SLC12A2: variants seen among roughly 807,000 people sequenced by gnomAD.
The protein encoded by SLC12A2 is Na-K-2Cl cotransporter 1.
In SLC12A2, 67 loss-of-function variants were observed where a neutral mutation model predicts 136.3. The ratio of observed to expected loss-of-function variants is 0.49; its 90% CI spans 0.40 to 0.60. The LOEUF (loss-of-function observed/expected upper bound fraction) is 0.60, where lower values mean the gene tolerates loss of function less well. Among genes scored for constraint, SLC12A2 ranks in the 20% least tolerant of loss-of-function variants. SLC12A2 has a pLI of 0.00. For synonymous variants in SLC12A2, 619 were observed against 562.9 expected (o/e 1.10, Z -1.41); for missense variants, 1,322 against 1,534.7 (o/e 0.86, Z 2.32).
At chr5:128,138,549 G>A (rs1415540563) in intron 7 of SLC12A2, 48 bp from the exon 8 acceptor site, 4 of 1,552,326 alleles carry the variant, frequency 2.6e-6, no homozygotes, top group Non-Finnish European at 3.5e-6. Flanking sequence ...AGTTATTATA[G>A]TCTAATTTGC....
intron 1 of SLC12A2, among the ~76,000 whole-genome samples, chr5:128,107,809 T>G (rs754146365): frequency 4.6e-5 from 7 of 152,134 alleles, no homozygotes; most frequent in Non-Finnish European, 8.8e-5. Context: ...GTGTCCCCAG[T>G]AATGGGATTG....
At chr5:128,138,058 C>A (rs1191271646) in intron 7 of SLC12A2, among the ~76,000 whole-genome samples, 1 of 151,924 alleles carries the variant, frequency 6.6e-6, no homozygotes, top group African/African-American at 2.4e-5. Context: ...TCACCCCAGC[C>A]TCCCAAGTAG....
At chr5:128,130,552 C>T (rs1274002247) in intron 4 of SLC12A2, among the ~76,000 whole-genome samples, 3 of 147,654 alleles carry the variant, frequency 2.0e-5, no homozygotes, top group Admixed American at 6.7e-5. Flanking sequence ...TGTGGTGGCA[C>T]GCACCTGTAG....
chr5:128,131,198 T>G lies in SLC12A2; in HGVS notation c.1180T>G (p.Leu394Val). The change falls in exon 5 of 27, where the codon TTG (leucine) becomes GTG (valine). Residue 394 changes from leucine to valine, a missense_variant. Physicochemically the swap from Leu to Val is conservative, Grantham distance 32 (BLOSUM62 1). Transcript: ENST00000262461. ...TGGATTTGCAGAAACCGTGGTGGAG[T>G]TGCTTAAGGTAATTCACCTTCCTTC... Reference protein sequence around the residue: ...VVGFAETVVELLKEHSILMID... With the variant: ...VVGFAETVVEVLKEHSILMID... 1 of 1,614,064 alleles carries G rather than the reference T, an allele frequency of 6.2e-7. No individual in the cohort carries two copies. The highest frequency in any genetic ancestry group is 8.5e-7 in the Non-Finnish European group (1 of 1,179,990).
chr5:128,106,768 G>A (rs1259248778), intron 1 of SLC12A2, among the ~76,000 whole-genome samples: 1 of 152,060 alleles, frequency 6.6e-6, no homozygotes, highest in Non-Finnish European at 1.5e-5. Context: ...TCTATTTTGA[G>A]GTGGAATTCT....
At chr5:128,098,642 TTTG>T (rs1760632836) in intron 1 of SLC12A2, among the ~76,000 whole-genome samples, 2 of 152,062 alleles carry the variant, frequency 1.3e-5, no homozygotes, top group Admixed American at 6.6e-5. Flanking sequence ...TTGGTTTTTT[TTTG>T]TTGTTGTTCT....
intron 4 of SLC12A2, among the ~76,000 whole-genome samples, chr5:128,127,570 GT>G (rs200801510): frequency 5.3e-4 from 78 of 147,258 alleles, no homozygotes; most frequent in African/African-American, 1.3e-3. Flanking sequence ...TCTGCCTATA[GT>G]TTTTTTTTTG....
chr5:128,143,090 C>T (rs1762424112), intron 10 of SLC12A2, among the ~76,000 whole-genome samples: 1 of 152,016 alleles, frequency 6.6e-6, no homozygotes, highest in South Asian at 2.1e-4. Context: ...AATATCATCT[C>T]TCCATTTATT....
intron 1 of SLC12A2, among the ~76,000 whole-genome samples, chr5:128,107,384 C>G (rs1453803128): frequency 6.6e-6 from 1 of 152,114 alleles, no homozygotes; most frequent in Non-Finnish European, 1.5e-5. Flanking sequence ...TGGTGGTTTG[C>G]TGCACCCATC....
chr5:128,114,337 GTCTGAGCTCTTAACC>G, intron 3 of SLC12A2, 50 bp downstream of exon 3: 1 of 1,389,744 alleles, frequency 7.2e-7, no homozygotes, highest in African/African-American at 1.4e-5. Context: ...AAATAACTGT[GTCTGAGCTCTTAACC>G]TCATGAAACT....
chr5:128,086,893 T>A (rs1760121142), intron 1 of SLC12A2, among the ~76,000 whole-genome samples: 1 of 152,188 alleles, frequency 6.6e-6, no homozygotes, highest in South Asian at 2.1e-4. Flanking sequence ...CTGTAATGTT[T>A]CTAGCCTTCA....
intron 1 of SLC12A2, among the ~76,000 whole-genome samples, chr5:128,099,362 G>A (rs1430410314): frequency 6.6e-6 from 1 of 152,128 alleles, no homozygotes; most frequent in Non-Finnish European, 1.5e-5. Flanking sequence ...TGGTACACAT[G>A]TGTAGGATAC....
intron 22 of SLC12A2, 121 bp downstream of exon 22, chr5:128,178,810 A>G (rs905160401): frequency 2.6e-5 from 16 of 614,320 alleles, no homozygotes; most frequent in Admixed American, 8.0e-5. Flanking sequence ...TCCCAAAAGC[A>G]AAAGGATTAA....
At chr5:128,175,766 T>TTTAACTTAC (rs1244377027) in intron 20 of SLC12A2, among the ~76,000 whole-genome samples, 10 of 152,004 alleles carry the variant, frequency 6.6e-5, no homozygotes, top group African/African-American at 2.4e-4. Context: ...TCTAAATGCC[T>TTTAACTTAC]TTAACTTACT....
Position 128,167,862 on chromosome 5 carries a change from A to C in SLC12A2, c.2718A>C (p.Leu906Phe), listed in dbSNP as rs148401961. The part of the protein sequence containing the change: ...DMRDVDMYIN[L>F]FHDAFDIQYG... ...GGGATGTGGATATGTATATAAACTT[A>C]TTTCAGTAAGTATCTTTTTAATTCA... Residue 906 changes from leucine (L) to phenylalanine (F), a missense_variant, in exon 18 of 27, where the codon TTA becomes TTC. Leu to Phe is a conservative substitution (Grantham distance 22). Transcript: ENST00000262461. 1.2e-5 allele frequency: 18 copies of C among 1,506,714 alleles called. No homozygotes were observed. In the African/African-American group the frequency reaches 2.2e-4, roughly 19 times the overall value. The allele number at this position is 1,506,714 out of a possible 1,614,324, so 93.3% of individuals were successfully genotyped here.
chr5:128,131,717 A>G (rs1028363455), intron 5 of SLC12A2, among the ~76,000 whole-genome samples: 2 of 151,718 alleles, frequency 1.3e-5, no homozygotes, highest in African/African-American at 4.8e-5. Flanking sequence ...AAAATAAAGA[A>G]AAGTACAGCC....
intron 7 of SLC12A2, 54 bp downstream of exon 7, chr5:128,135,862 C>CTTTT: frequency 2.1e-6 from 2 of 973,290 alleles, no homozygotes; most frequent in Non-Finnish European, 1.6e-6. Context: ...AGAATTCTAT[C>CTTTT]ATCAATTAAA....
intron 1 of SLC12A2, among the ~76,000 whole-genome samples, chr5:128,091,454 A>G (rs1760314760): frequency 6.6e-6 from 1 of 152,234 alleles, no homozygotes; most frequent in South Asian, 2.1e-4. Context: ...AAAACCATGA[A>G]AACTAGTAGT....
chr5:128,146,950 T>A (rs1762547640), intron 10 of SLC12A2, among the ~76,000 whole-genome samples: 1 of 151,474 alleles, frequency 6.6e-6, no homozygotes, highest in African/African-American at 2.4e-5. Context: ...ACAATGATGA[T>A]GAAGTCAGAA....
Sources: allele counts gnomAD v4.1 joint callset (sites outside exome capture counted in the v4.1 genomes callset), GRCh38; gene constraint gnomAD v4.1.1; transcripts MANE v1.5; gene names NCBI Gene and HGNC (gene_info 2026-07-23, HGNC 2026-07-21).